KCNT2: variants seen among roughly 807,000 people sequenced by gnomAD.
KCNT2 encodes the protein potassium channel subfamily T member 2.
In KCNT2, 67 loss-of-function variants were observed where a neutral mutation model predicts 153.8. The observed-to-expected ratio is 0.44, with a 90% CI of 0.36 to 0.53. The LOEUF is 0.53. KCNT2 is among the 20% of genes least tolerant of loss of function. The pLI, the probability that KCNT2 is intolerant of heterozygous loss-of-function variation, is 0.00. For missense variants in KCNT2, 975 were observed against 1,354.8 expected (o/e 0.72, Z 4.40); for synonymous variants, 500 against 458.8 (o/e 1.09, Z -1.15).
At chr1:196,365,061 A>G (rs1667927604) in intron 14 of KCNT2, among the ~76,000 whole-genome samples, 1 of 152,040 alleles carries the variant, frequency 6.6e-6, no homozygotes, top group Non-Finnish European at 1.5e-5. Context: ...TCATAGACCA[A>G]CTGATTAGTA....
chr1:196,452,973 C>T (rs918203704), intron 8 of KCNT2, among the ~76,000 whole-genome samples: 4 of 151,966 alleles, frequency 2.6e-5, no homozygotes, highest in Non-Finnish European at 5.9e-5. Context: ...GTTTCAACAA[C>T]TATCTGGGAA....
At chr1:196,538,598 A>C (rs1446531686) in intron 1 of KCNT2, among the ~76,000 whole-genome samples, 1 of 152,086 alleles carries the variant, frequency 6.6e-6, no homozygotes, top group Non-Finnish European at 1.5e-5. Context: ...GTGGGTGATC[A>C]CCTAATGCGC....
At chr1:196,364,912 T>C (rs564044910) in intron 14 of KCNT2, among the ~76,000 whole-genome samples, 3 of 152,080 alleles carry the variant, frequency 2.0e-5, no homozygotes, top group Non-Finnish European at 4.4e-5. Flanking sequence ...ATATTTACAA[T>C]GTTGCAACTT....
At chr1:196,435,127 G>A (rs2148562237) in intron 8 of KCNT2, among the ~76,000 whole-genome samples, 1 of 82,346 alleles carries the variant, frequency 1.2e-5, no homozygotes, top group East Asian at 4.0e-4. Flanking sequence ...ATACTTATGT[G>A]TGTGTGTGTA....
In KCNT2 at chr1:196,319,467, A is replaced by C; in HGVS notation, c.2348+17T>G. On this transcript the variant is annotated intron_variant, in intron 20 of 27. Transcript: ENST00000294725. Reference sequence around the variant, plus strand: ...GGACACTACACTAGTTAGTGTGCCAAAGATTTTGTCACCTACTTGTCAATA... The same window carrying C: ...GGACACTACACTAGTTAGTGTGCCACAGATTTTGTCACCTACTTGTCAATA... 1 of 1,596,280 alleles carries C rather than the reference A, an allele frequency of 6.3e-7. No homozygotes were observed. Among genetic ancestry groups the C allele is most frequent in the Non-Finnish European group, 8.6e-7 (1 of 1,165,028 alleles).
At chr1:196,497,345 G>A (rs1680335511) in intron 1 of KCNT2, among the ~76,000 whole-genome samples, 1 of 152,086 alleles carries the variant, frequency 6.6e-6, no homozygotes. Context: ...GTACTACTAA[G>A]TGCTATTTCC....
intron 12 of KCNT2, among the ~76,000 whole-genome samples, chr1:196,399,288 A>C (rs1213129234): frequency 2.0e-5 from 3 of 151,762 alleles, no homozygotes; most frequent in African/African-American, 4.8e-5. Context: ...AATTGAAAAA[A>C]TCAAGGAAGA....
intron 1 of KCNT2, among the ~76,000 whole-genome samples, chr1:196,591,419 T>G (rs970509146): frequency 6.6e-6 from 1 of 152,112 alleles, no homozygotes. Flanking sequence ...TTTAGAGCAA[T>G]GCAAACAGAC....
intron 1 of KCNT2, among the ~76,000 whole-genome samples, chr1:196,496,596 T>A (rs968185795): frequency 6.6e-6 from 1 of 152,118 alleles, no homozygotes; most frequent in African/African-American, 2.4e-5. Context: ...ACCAAAATAC[T>A]TTTGATATTA....
Position 196,282,042 on chromosome 1 carries a change from C to T in KCNT2, c.2781+231G>A, listed in dbSNP as rs187219745. ...AGGATTACAGGTGTGAGCCTCCACG[C>T]CTGGCCAAATTCATTCAGCATTTTA... On this transcript the variant is annotated intron_variant, in intron 24 of 27. Transcript: ENST00000294725. 1.7e-4 allele frequency among the ~76,000 whole-genome samples: 26 copies of T among 152,098 alleles called. No homozygotes were observed. In the East Asian group the frequency reaches 5.0e-3, roughly 29 times the overall value.
intron 1 of KCNT2, among the ~76,000 whole-genome samples, chr1:196,587,721 G>T (rs191005087): frequency 6.6e-6 from 1 of 151,946 alleles, no homozygotes; most frequent in Non-Finnish European, 1.5e-5. Flanking sequence ...TTAATGAAAA[G>T]AAGTATCAAA....
At chr1:196,509,645 A>C (rs1319400169) in intron 1 of KCNT2, among the ~76,000 whole-genome samples, 1 of 152,222 alleles carries the variant, frequency 6.6e-6, no homozygotes, top group Non-Finnish European at 1.5e-5. Context: ...CAGAGAAGAC[A>C]GTATAGCAGT....
intron 12 of KCNT2, among the ~76,000 whole-genome samples, chr1:196,406,940 C>T (rs1671881838): frequency 6.6e-6 from 1 of 151,392 alleles, no homozygotes; most frequent in African/African-American, 2.4e-5. Flanking sequence ...AGCAGCAAGT[C>T]AACATAATTG....
chr1:196,396,109 G>C (rs533023407), intron 13 of KCNT2, among the ~76,000 whole-genome samples: 1 of 151,790 alleles, frequency 6.6e-6, no homozygotes, highest in East Asian at 2.0e-4. Flanking sequence ...TGGCTGGTAA[G>C]TAAGTTGGGA....
intron 1 of KCNT2, among the ~76,000 whole-genome samples, chr1:196,532,338 C>G (rs1655059828): frequency 6.6e-6 from 1 of 151,936 alleles, no homozygotes; most frequent in African/African-American, 2.4e-5. Context: ...TTATTTGGAC[C>G]TGATTTTGAG....
intron 4 of KCNT2, among the ~76,000 whole-genome samples, chr1:196,480,663 G>A (rs1450181476): frequency 6.6e-6 from 1 of 151,860 alleles, no homozygotes; most frequent in East Asian, 1.9e-4. Context: ...AGACCATCCT[G>A]GCTAACACGG....
intron 12 of KCNT2, among the ~76,000 whole-genome samples, chr1:196,408,022 C>A (rs1311509108): frequency 1.3e-5 from 2 of 151,276 alleles, no homozygotes; most frequent in Non-Finnish European, 3.0e-5. Flanking sequence ...ATTATAAATT[C>A]TTTCTCTGCT....
Position 196,450,082 on chromosome 1 carries a change from ATCT to A in KCNT2, c.638+15208_638+15210del, listed in dbSNP as rs531524507. On this transcript the variant is annotated intron_variant, in intron 8 of 27. Transcript: ENST00000294725. Reference sequence around the variant, plus strand: ...TTTAGTAATATGGTTCTTTATAAAAATCTTCTGCTACAATTATATTTTTATCAA... The same window carrying A: ...TTTAGTAATATGGTTCTTTATAAAAATCTGCTACAATTATATTTTTATCAA... Among the ~76,000 whole-genome samples the A allele has an allele frequency of 3.1e-4, 47 of 151,980 alleles. 1 individual carries two copies. In the East Asian group the frequency reaches 7.4e-3, roughly 24 times the overall value.
chr1:196,476,666 CA>C (rs1451273241), intron 5 of KCNT2, among the ~76,000 whole-genome samples: 1 of 152,098 alleles, frequency 6.6e-6, no homozygotes, highest in East Asian at 1.9e-4. Context: ...GGAGACTTTC[CA>C]AAACTAATCA....
Sources: allele counts gnomAD v4.1 joint callset (sites outside exome capture counted in the v4.1 genomes callset), GRCh38; gene constraint gnomAD v4.1.1; transcripts MANE v1.5; gene names NCBI Gene and HGNC (gene_info 2026-07-23, HGNC 2026-07-21).